LRRC4C: variants seen among roughly 807,000 people sequenced by gnomAD.
LRRC4C encodes the protein leucine-rich repeat-containing protein 4C.
In LRRC4C, 5 loss-of-function variants were observed where a neutral mutation model predicts 33.6. That is an observed-to-expected ratio of 0.15 (90% CI 0.08 to 0.31). LRRC4C has a LOEUF of 0.31. Among genes scored for constraint, LRRC4C ranks in the 10% least tolerant of loss-of-function variants. LRRC4C has a pLI of 1.00. For missense variants in LRRC4C, 560 were observed against 796.7 expected, an observed-to-expected ratio of 0.70 and a Z score of 3.58; for synonymous variants, 329 against 302.0, an observed-to-expected ratio of 1.09 and a Z score of -0.93.
intron 1 of LRRC4C, among the ~76,000 whole-genome samples, chr11:41,457,630 AAAC>A (rs1956211469): frequency 6.6e-6 from 1 of 152,208 alleles, no homozygotes; most frequent in South Asian, 2.1e-4. Context: ...TAAAAAAAGA[AAAC>A]AACAGACCTC....
intron 2 of LRRC4C, among the ~76,000 whole-genome samples, chr11:40,716,341 G>A (rs1015638659): frequency 2.0e-5 from 3 of 151,940 alleles, no homozygotes; most frequent in African/African-American, 7.3e-5. Flanking sequence ...TCTACTTGGT[G>A]TTAAAAAATA....
At chr11:41,384,871 T>C (rs969414944) in intron 1 of LRRC4C, among the ~76,000 whole-genome samples, 1 of 149,336 alleles carries the variant, frequency 6.7e-6, no homozygotes, top group Non-Finnish European at 1.5e-5. Flanking sequence ...TATAGTATAC[T>C]GAACTATACA....
rs398115308 is a variant in LRRC4C at position 40,802,518 on chromosome 11, A to AT, written c.-407+131116_-407+131117insA. The stretch of plus-strand genomic sequence containing the variant: ...GGAGGTTAGAATAAGCAAAAAAAAA[A>AT]GATAAGGAAGAGGAGGATAAGGAGG... On this transcript the variant is annotated intron_variant, in intron 2 of 6. Transcript: ENST00000528697. 4.0e-5 allele frequency among the ~76,000 whole-genome samples: 6 copies of AT among 151,764 alleles called. No homozygotes were observed. The East Asian group carries it at 1.2e-3, about 29-fold the overall frequency.
chr11:41,092,195 G>T (rs898089972), intron 1 of LRRC4C, among the ~76,000 whole-genome samples: 1 of 151,792 alleles, frequency 6.6e-6, no homozygotes, highest in African/African-American at 2.4e-5. Flanking sequence ...TTATGATAAA[G>T]GTTATTTTAT....
At position 40,194,422 on chromosome 11, in the gene LRRC4C, A is replaced by G. The variant is rs185851114; in HGVS notation, c.-96+47097T>C. Among the ~76,000 whole-genome samples, 11 of 152,324 alleles carry G rather than the reference A, an allele frequency of 7.2e-5. No individual in the cohort carries two copies. In the East Asian group the frequency reaches 2.1e-3, roughly 29 times the overall value. On this transcript the variant is annotated intron_variant, in intron 5 of 6. Coordinates refer to ENST00000528697, the MANE Select transcript of LRRC4C (RefSeq NM_001258419.2). The stretch of plus-strand genomic sequence containing the variant: ...AATGCTGAGGAATTTTATTACCACC[A>G]GGCCTGCCTTACAAGAGTTCCTGAA...
At chr11:41,025,422 T>A (rs1856275450) in intron 1 of LRRC4C, among the ~76,000 whole-genome samples, 1 of 151,536 alleles carries the variant, frequency 6.6e-6, no homozygotes, top group South Asian at 2.1e-4. Flanking sequence ...GTTTTAGTGC[T>A]CTGTATAAAA....
chr11:41,072,975 G>A (rs773548380), intron 1 of LRRC4C, among the ~76,000 whole-genome samples: 4 of 152,164 alleles, frequency 2.6e-5, no homozygotes, highest in African/African-American at 4.8e-5. Context: ...ATTTGTATAA[G>A]TTGGGAGTGA....
intron 2 of LRRC4C, among the ~76,000 whole-genome samples, chr11:40,674,116 G>A (rs1324119277): frequency 6.6e-6 from 1 of 152,178 alleles, no homozygotes; most frequent in African/African-American, 2.4e-5. Context: ...TCCCATTGGT[G>A]ATCCCTTCAC....
intron 1 of LRRC4C, among the ~76,000 whole-genome samples, chr11:41,157,879 G>A (rs1435655409): frequency 4.0e-5 from 6 of 151,654 alleles, no homozygotes; most frequent in East Asian, 1.9e-4. Flanking sequence ...TCCCCCAAGC[G>A]TTTATCCATT....
intron 3 of LRRC4C, among the ~76,000 whole-genome samples, chr11:40,531,172 T>C (rs529252913): frequency 1.8e-4 from 28 of 152,008 alleles, no homozygotes; most frequent in Non-Finnish European, 3.4e-4. Context: ...ACAGCAAAAT[T>C]GAGAGGAAAG....
intron 6 of LRRC4C, among the ~76,000 whole-genome samples, chr11:40,134,818 A>G (rs992567399): frequency 2.0e-5 from 3 of 152,188 alleles, no homozygotes; most frequent in African/African-American, 7.2e-5. Context: ...AGTCCCTACA[A>G]CTTTGGAGTA....
chr11:41,055,167 AT>A (rs569103923), intron 1 of LRRC4C, among the ~76,000 whole-genome samples: 1 of 151,902 alleles, frequency 6.6e-6, no homozygotes, highest in South Asian at 2.1e-4. Context: ...TTTTATTTAA[AT>A]TTTTTTTGTG....
chr11:41,222,819 GT>G (rs1054364925), intron 1 of LRRC4C: 6 of 87,502 alleles, frequency 6.9e-5, no homozygotes, highest in African/African-American at 3.1e-4. Context: ...TGTCTCTGTA[GT>G]TTTTCCTCTC....
chr11:40,651,534 C>T (rs1189893405), intron 2 of LRRC4C, among the ~76,000 whole-genome samples: 1 of 152,108 alleles, frequency 6.6e-6, no homozygotes, highest in African/African-American at 2.4e-5. Flanking sequence ...ATAAAGTATC[C>T]ATCTATTGGA....
intron 2 of LRRC4C, among the ~76,000 whole-genome samples, chr11:40,785,339 CA>C (rs1281768224): frequency 1.3e-5 from 2 of 151,952 alleles, no homozygotes; most frequent in South Asian, 2.1e-4. Context: ...TCATAACTTG[CA>C]AAAAAATTTA....
intron 1 of LRRC4C, among the ~76,000 whole-genome samples, chr11:41,428,444 T>G (rs1955119340): frequency 6.6e-6 from 1 of 152,074 alleles, no homozygotes; most frequent in Non-Finnish European, 1.5e-5. Flanking sequence ...AAAAACGTAT[T>G]TTTTTTGTCA....
intron 5 of LRRC4C, among the ~76,000 whole-genome samples, chr11:40,222,181 G>A (rs529212296): frequency 6.6e-6 from 1 of 152,180 alleles, no homozygotes; most frequent in Non-Finnish European, 1.5e-5. Flanking sequence ...ATTTGCAGGT[G>A]ATGGAGCCCC....
At chr11:40,534,983 G>A (rs1956413356) in intron 3 of LRRC4C, among the ~76,000 whole-genome samples, 1 of 152,106 alleles carries the variant, frequency 6.6e-6, no homozygotes, top group East Asian at 1.9e-4. Context: ...CTAAACATAT[G>A]GTCCATGGAA....
chr11:40,867,834 T>C (rs1428364009), intron 2 of LRRC4C, among the ~76,000 whole-genome samples: 1 of 152,212 alleles, frequency 6.6e-6, no homozygotes, highest in African/African-American at 2.4e-5. Context: ...CAAGTGCACC[T>C]GATGCACACC....
Sources: allele counts gnomAD v4.1 joint callset (sites outside exome capture counted in the v4.1 genomes callset), GRCh38; gene constraint gnomAD v4.1.1; transcripts MANE v1.5; gene names NCBI Gene and HGNC (gene_info 2026-07-23, HGNC 2026-07-21).